The following CPEB1 variants were observed in gnomAD, a reference collection of about 807,000 sequenced individuals.
CPEB1 encodes the protein cytoplasmic polyadenylation element binding protein 1, also known as cytoplasmic polyadenylation element-binding protein 1.
A neutral mutation model predicts 65.8 loss-of-function variants in CPEB1; 7 were observed. The ratio of observed to expected loss-of-function variants is 0.11; its 90% CI spans 0.06 to 0.20. The LOEUF (loss-of-function observed/expected upper bound fraction) is 0.20. Ranked by LOEUF, CPEB1 falls within the 10% of genes least tolerant of loss-of-function variation. The probability of loss-of-function intolerance (pLI) is 1.00; values close to 1 mark genes in which losing one functional copy is unlikely to be tolerated. For missense variants in CPEB1, 551 were observed against 712.2 expected (o/e 0.77, Z 2.58); for synonymous variants, 262 against 260.0 (o/e 1.01, Z -0.08).
At chr15:82,569,585 C>G (rs1344681405) in intron 4 of CPEB1, among the ~76,000 whole-genome samples, 1 of 152,208 alleles carries the variant, frequency 6.6e-6, no homozygotes, top group African/African-American at 2.4e-5. Context: ...GGTGGAGAAG[C>G]TGTGGATATT....
chr15:82,578,964 T>C (rs1021369530), intron 3 of CPEB1, among the ~76,000 whole-genome samples: 5 of 152,056 alleles, frequency 3.3e-5, no homozygotes, highest in African/African-American at 1.2e-4. Flanking sequence ...GCTGGGATTA[T>C]ACACATGCAC....
At chr15:82,647,949 ATT>A, upstream of CPEB1, 2 of 1,142,730 alleles carry the variant, frequency 1.8e-6, no homozygotes, top group Non-Finnish European at 2.2e-6. Flanking sequence ...CGTGGGCACT[ATT>A]TTTGCAGCGG....
intron 3 of CPEB1, among the ~76,000 whole-genome samples, chr15:82,602,760 C>T (rs1596089291): frequency 2.0e-5 from 3 of 152,130 alleles, no homozygotes; most frequent in African/African-American, 7.2e-5. Flanking sequence ...ACAGAAGAAT[C>T]GCTTGAACCC....
intron 4 of CPEB1, among the ~76,000 whole-genome samples, chr15:82,570,761 C>G (rs2039906407): frequency 6.6e-6 from 1 of 152,054 alleles, no homozygotes. Context: ...GGAGTTACCC[C>G]ACCCCACTCA....
chr15:82,558,598 C>T (rs943428222), intron 4 of CPEB1, among the ~76,000 whole-genome samples: 20 of 152,202 alleles, frequency 1.3e-4, no homozygotes, highest in Admixed American at 6.5e-5. Flanking sequence ...TTGACTTAAA[C>T]TTAGGATTAA....
intron 3 of CPEB1, among the ~76,000 whole-genome samples, chr15:82,601,238 T>TC (rs2043095843): frequency 3.1e-5 from 2 of 63,714 alleles, no homozygotes; most frequent in Non-Finnish European, 2.7e-5. Context: ...TGTGGTTTTC[T>TC]TAAAAAAAAA....
At chr15:82,569,941 C>T (rs77576752) in intron 4 of CPEB1, among the ~76,000 whole-genome samples, 2 of 152,118 alleles carry the variant, frequency 1.3e-5, no homozygotes, top group Non-Finnish European at 2.9e-5. Flanking sequence ...AACAAAGTAC[C>T]GTGGTCTCCA....
At chr15:82,594,111 T>G (rs571980359) in intron 3 of CPEB1, among the ~76,000 whole-genome samples, 3 of 152,236 alleles carry the variant, frequency 2.0e-5, no homozygotes, top group Non-Finnish European at 4.4e-5. Flanking sequence ...AGAATCAGCC[T>G]GTTCTTCAAA....
upstream of CPEB1, chr15:82,647,537 G>C (rs1033945346): frequency 3.5e-6 from 1 of 283,166 alleles, no homozygotes; most frequent in Non-Finnish European, 6.6e-6. Context: ...CTTTATGTCC[G>C]GTCAGCTCCC....
chr15:82,590,759 CAT>C (rs2042190120), intron 3 of CPEB1, among the ~76,000 whole-genome samples: 2 of 152,134 alleles, frequency 1.3e-5, no homozygotes. Flanking sequence ...GTTGTGAGAA[CAT>C]GTGGTATTTG....
At chr15:82,628,102 T>A in intron 2 of CPEB1, 1 of 664,874 alleles carries the variant, frequency 1.5e-6, no homozygotes, top group Non-Finnish European at 2.7e-6. Context: ...AGAACCCCAA[T>A]AGAGAGAAGG....
intron 1 of CPEB1, among the ~76,000 whole-genome samples, chr15:82,633,978 AG>A (rs1363289092): frequency 6.6e-6 from 1 of 151,900 alleles, no homozygotes; most frequent in African/African-American, 2.4e-5. Flanking sequence ...AAAAAAAAAA[AG>A]AGGGTAGCAC....
Position 82,627,243 on chromosome 15 carries a change from C to G in CPEB1, c.221G>C (p.Ser74Thr), listed in dbSNP as rs1425697191. 6.2e-7 allele frequency: 1 copy of G among 1,613,800 alleles called. No individual in the cohort carries two copies. ...GTTTATAGGTGTAGTGCAGACTCTA[C>G]TGAAATCCAGAGAATTATCCAATAT... ...NAILDNSLDF[S>T]RVCTTPINRG... is the part of the protein sequence containing the mutation. The change falls in exon 3 of 13, where the codon AGT becomes ACT. Residue 74 changes from serine to threonine, a missense_variant. Ser to Thr is a moderately conservative substitution (Grantham distance 58). Coordinates refer to ENST00000684509, the MANE Select transcript of CPEB1 (RefSeq NM_001365242.1).
At chr15:82,554,073 G>T (rs925155342) in intron 6 of CPEB1, 82 bp from the exon 7 acceptor site, 9 of 774,084 alleles carry the variant, frequency 1.2e-5, no homozygotes, top group Non-Finnish European at 1.9e-5. Context: ...AACTTGTCCA[G>T]TAAGAACCTG....
rs1019713525 is a variant in CPEB1 at position 82,553,998 on chromosome 15, T to C, written c.941-7A>G. 6.4e-7 allele frequency: 1 copy of C among 1,559,332 alleles called. No homozygotes were observed. Among genetic ancestry groups the C allele is most frequent in the Non-Finnish European group, 8.8e-7 (1 of 1,140,672 alleles). ...CAGGTGGCTTCATTCACAGCTTTGG[T>C]AGATGGCAAAGAGATAAACAGGGGA... On this transcript the variant is annotated splice_polypyrimidine_tract_variant and splice_region_variant and intron_variant, in intron 6 of 12. Coordinates refer to ENST00000684509, the MANE Select transcript of CPEB1 (RefSeq NM_001365242.1).
At chr15:82,646,229 G>A (rs1363385054) in intron 1 of CPEB1, among the ~76,000 whole-genome samples, 2 of 152,214 alleles carry the variant, frequency 1.3e-5, no homozygotes, top group Non-Finnish European at 2.9e-5. Flanking sequence ...CCGCTAGCAA[G>A]GGACCGCACC....
At chr15:82,589,611 G>A (rs941785793) in intron 3 of CPEB1, among the ~76,000 whole-genome samples, 3 of 151,900 alleles carry the variant, frequency 2.0e-5, no homozygotes, top group African/African-American at 7.3e-5. Context: ...AGACATAGTG[G>A]CACATGCCCA....
At chr15:82,558,966 TTC>T (rs2037733872) in intron 4 of CPEB1, among the ~76,000 whole-genome samples, 1 of 152,038 alleles carries the variant, frequency 6.6e-6, no homozygotes, top group Non-Finnish European at 1.5e-5. Flanking sequence ...TTTTTTTTTT[TTC>T]ATCTGAAGAA....
intron 3 of CPEB1, among the ~76,000 whole-genome samples, chr15:82,616,042 A>G (rs1350646250): frequency 1.3e-5 from 2 of 152,126 alleles, no homozygotes; most frequent in African/African-American, 2.4e-5. Flanking sequence ...TTTACTTACA[A>G]ATAACTATCA....
Sources: allele counts gnomAD v4.1 joint callset (sites outside exome capture counted in the v4.1 genomes callset), GRCh38; gene constraint gnomAD v4.1.1; transcripts MANE v1.5; gene names NCBI Gene and HGNC (gene_info 2026-07-23, HGNC 2026-07-21).